CCL17: variants seen among roughly 807,000 people sequenced by gnomAD.
The protein encoded by CCL17 is C-C motif chemokine 17.
A neutral mutation model predicts 7.4 loss-of-function variants in CCL17; 8 were observed. The observed-to-expected ratio is 1.09, with a 90% CI of 0.64 to 1.96. CCL17 has a LOEUF of 1.96. CCL17 is among the 30% of genes most tolerant of loss of function. CCL17 has a pLI of 0.00. For synonymous variants in CCL17, 40 were observed against 46.1 expected (o/e 0.87, Z 0.54); for missense variants, 102 against 113.0 (o/e 0.90, Z 0.44).
In CCL17 at chr16:57,415,342, G is replaced by C. The variant is rs1033221485; in HGVS notation, c.188+144G>C. The C allele has an allele frequency of 1.6e-6, 1 of 644,990 alleles. No individual in the cohort carries two copies. The highest frequency in any genetic ancestry group is 2.6e-5 in the Admixed American group (1 of 37,926). 40.0% of individuals were successfully genotyped at this position (644,990 alleles called of 1,614,324 possible). A position where few individuals can be genotyped will look rare whatever the true frequency, so the allele number is the denominator to read the frequency against. On this transcript the variant is annotated intron_variant, in intron 3 of 3. Coordinates refer to ENST00000219244, the MANE Select transcript of CCL17 (RefSeq NM_002987.3). This position sits in a 1 kb window ranked among gnomAD's most constrained non-coding sequence, Gnocchi z 4.5. ...ACCCCTGCAGGCTCCCCACACTGTG[G>C]GACCCAAAAGGGCCGCAGGCCATGA...
intron 1 of CCL17, among the ~76,000 whole-genome samples, chr16:57,411,786 G>A (rs1902788340): frequency 6.6e-6 from 1 of 152,226 alleles, no homozygotes; most frequent in Non-Finnish European, 1.5e-5. Context: ...CTCCAGGTCA[G>A]GGCTGCCCTG....
At chr16:57,396,142 A>G in the CCL17 span, among the ~76,000 whole-genome samples, 1 of 152,174 alleles carries the variant, frequency 6.6e-6, no homozygotes, top group Non-Finnish European at 1.5e-5. Context: ...GGCCATTCCT[A>G]ACCCTATAAG....
upstream of CCL17, among the ~76,000 whole-genome samples, chr16:57,403,467 T>TA (rs1902634890): frequency 1.1e-3 from 2 of 1,898 alleles, 1 homozygote; most frequent in South Asian, 0.083. Context: ...ATATATATTA[T>TA]ATTATATATA....
intron 1 of CCL17, among the ~76,000 whole-genome samples, chr16:57,411,537 T>C (rs148392299): frequency 7.9e-5 from 12 of 152,322 alleles, no homozygotes; most frequent in South Asian, 4.1e-4. Flanking sequence ...CTGCAGCTGC[T>C]TCATCATTAA....
chr16:57,403,483 T>A (rs1350447132), upstream of CCL17, among the ~76,000 whole-genome samples: 1 of 1,998 alleles, frequency 5.0e-4, no homozygotes, highest in Non-Finnish European at 1.5e-3. Context: ...ATATATTATA[T>A]AATAATATAT....
At chr16:57,398,522 G>A in the CCL17 span, among the ~76,000 whole-genome samples, 1 of 152,204 alleles carries the variant, frequency 6.6e-6, no homozygotes, top group Non-Finnish European at 1.5e-5. Context: ...AGAGTATAGA[G>A]AGGCTTGGCC....
At position 57,415,108 on chromosome 16, in the gene CCL17, G is replaced by A; in HGVS notation, c.98G>A (p.Cys33Tyr). The A allele has an allele frequency of 6.2e-7, 1 of 1,613,934 alleles. No individual in the cohort carries two copies. The change falls in exon 3 of 4, where the codon TGC becomes TAC. Residue 33 changes from cysteine (C) to tyrosine (Y), a missense_variant. Cys to Tyr is a radical substitution (Grantham distance 194). Transcript: ENST00000219244. The surrounding 1 kb of genome is among the most constrained non-coding windows in gnomAD (Gnocchi z 4.5). ...CGAGGGACCAATGTGGGCCGGGAGT[G>A]CTGCCTGGAGTACTTCAAGGGAGCC... The part of the protein sequence containing the change: ...AARGTNVGRE[C>Y]CLEYFKGAIP...
Position 57,413,406 on chromosome 16 carries a change from C to T in CCL17, c.-59-468C>T, listed in dbSNP as rs566587199. Among the ~76,000 whole-genome samples, 603 of 151,398 alleles carry T rather than the reference C, an allele frequency of 4.0e-3. 3 individuals carry two copies. The highest frequency in any genetic ancestry group is 0.014 in the African/African-American group (586 of 41,238). The stretch of plus-strand genomic sequence containing the variant: ...CTGAAGCTCACTCATGGTCCAGGAG[C>T]CCATGGGCCCATGCCCGGCAGCCAG... On this transcript the variant is annotated intron_variant, in intron 1 of 3. Coordinates refer to ENST00000219244, the MANE Select transcript of CCL17 (RefSeq NM_002987.3).
At position 57,415,915 on chromosome 16, in the gene CCL17, C is replaced by T; in HGVS notation, c.*54C>T. ...CTCCCGGGACTACCTGGGACCTCCA[C>T]CGTTGGTGTTCACCGCCCCCACCCT... On this transcript the variant is annotated 3_prime_UTR_variant, in exon 4 of 4. Coordinates refer to ENST00000219244, the MANE Select transcript of CCL17 (RefSeq NM_002987.3). This position sits in a 1 kb window ranked among gnomAD's most constrained non-coding sequence, Gnocchi z 4.5. The T allele has an allele frequency of 5.6e-6, 7 of 1,239,826 alleles. No homozygotes were observed. The highest frequency in any genetic ancestry group is 7.1e-6 in the Non-Finnish European group (6 of 840,928). The allele number at this position is 1,239,826 out of a possible 1,614,324, so 76.8% of individuals were successfully genotyped here. A position where few individuals can be genotyped will look rare whatever the true frequency, so the allele number is the denominator to read the frequency against.
upstream of CCL17, among the ~76,000 whole-genome samples, chr16:57,400,738 C>T (rs1247195016): frequency 1.3e-5 from 2 of 151,890 alleles, no homozygotes; most frequent in Admixed American, 6.6e-5. Flanking sequence ...GGAGGCCAAC[C>T]GGGGTGGATC....
At chr16:57,403,536 T>A (rs1902641702), upstream of CCL17, among the ~76,000 whole-genome samples, 6 of 33,884 alleles carry the variant, frequency 1.8e-4, no homozygotes, top group South Asian at 4.8e-3. Context: ...GTTATATATA[T>A]TATAAATATA....
At chr16:57,404,143 G>C (rs1902661110), upstream of CCL17, among the ~76,000 whole-genome samples, 1 of 152,168 alleles carries the variant, frequency 6.6e-6, no homozygotes, top group African/African-American at 2.4e-5. Context: ...ATACAGGTGG[G>C]CAGAGAGCAG....
upstream of CCL17, among the ~76,000 whole-genome samples, chr16:57,404,454 G>A (rs1213763286): frequency 6.6e-6 from 1 of 152,116 alleles, no homozygotes; most frequent in Admixed American, 6.5e-5. Flanking sequence ...CCAGGTTTCT[G>A]GCCCTAGTAA....
intron 1 of CCL17, among the ~76,000 whole-genome samples, chr16:57,413,432 G>A (rs1902817196): frequency 6.6e-6 from 1 of 151,748 alleles, no homozygotes; most frequent in African/African-American, 2.4e-5. Context: ...CGGCAGCCAG[G>A]GTGGCCCTGG....
At chr16:57,412,962 A>C (rs1470214114) in intron 1 of CCL17, among the ~76,000 whole-genome samples, 1 of 152,056 alleles carries the variant, frequency 6.6e-6, no homozygotes, top group African/African-American at 2.4e-5. Flanking sequence ...TCCTGCCCCC[A>C]CTGGAAAGTG....
Position 57,415,737 on chromosome 16 carries a change from C to T in CCL17, c.189-28C>T. On this transcript the variant is annotated intron_variant, in intron 3 of 3. Transcript: ENST00000219244. This position sits in a 1 kb window ranked among gnomAD's most constrained non-coding sequence, Gnocchi z 4.5. ...TCTGGGGGCCCTTCCCCCCCTGCCA[C>T]TCCTGGTAACGTCCTCCTTCTGTGT... is the stretch of plus-strand genomic sequence containing the variant. 6.7e-7 allele frequency: 1 copy of T among 1,490,572 alleles called. No individual in the cohort carries two copies. The highest frequency in any genetic ancestry group is 9.4e-7 in the Non-Finnish European group (1 of 1,067,252). 92.3% of individuals were successfully genotyped at this position (1,490,572 alleles called of 1,614,324 possible).
At chr16:57,410,031 C>G (rs1276467154) in intron 1 of CCL17, among the ~76,000 whole-genome samples, 1 of 152,148 alleles carries the variant, frequency 6.6e-6, no homozygotes, top group Non-Finnish European at 1.5e-5. Flanking sequence ...CTGGTGTGAC[C>G]GGGATGACAC....
intron 1 of CCL17, 116 bp from the exon 2 acceptor site, chr16:57,413,758 A>C: frequency 1.9e-6 from 1 of 518,754 alleles, no homozygotes; most frequent in Non-Finnish European, 3.5e-6. Flanking sequence ...CTCCTGAATC[A>C]TCTCAAATTC....
At chr16:57,414,256 G>A (rs145135184) in intron 2 of CCL17, among the ~76,000 whole-genome samples, 72 of 151,982 alleles carry the variant, frequency 4.7e-4, no homozygotes, top group African/African-American at 1.7e-3. Flanking sequence ...TGCAATGGCC[G>A]TGAGGTGGGG....
Sources: allele counts gnomAD v4.1 joint callset (sites outside exome capture counted in the v4.1 genomes callset), GRCh38; gene constraint gnomAD v4.1.1; non-coding constraint Gnocchi (gnomAD v3.1); transcripts MANE v1.5; gene names NCBI Gene and HGNC (gene_info 2026-07-23, HGNC 2026-07-21).